The following AAMDC variants were observed in gnomAD, a reference collection of about 807,000 sequenced individuals.
AAMDC encodes the protein adipogenesis associated Mth938 domain containing.
AAMDC carries 16 observed loss-of-function variants against 15.5 expected under a neutral mutation model. That is an observed-to-expected ratio of 1.03 (90% CI 0.70 to 1.57). AAMDC has a LOEUF of 1.57. Among genes scored for constraint, AAMDC ranks in the 40% most tolerant of loss-of-function variants. AAMDC has a pLI of 0.00. For missense variants in AAMDC, 141 were observed against 144.9 expected (o/e 0.97, Z 0.14); for synonymous variants, 51 against 51.6 (o/e 0.99, Z 0.05).
At chr11:77,866,816 A>G (rs1486820105) in intron 2 of AAMDC, 1 of 151,926 alleles carries the variant, frequency 6.6e-6, no homozygotes, top group East Asian at 1.9e-4. Context: ...ACTCATATTC[A>G]TCCTCCCCAT....
chr11:77,883,753 C>A, intron 5 of AAMDC: 1 of 1,485,072 alleles, frequency 6.7e-7, no homozygotes, highest in Non-Finnish European at 9.1e-7. Flanking sequence ...TTTTTTCAAA[C>A]TTTAAAAACC....
chr11:77,842,700 A>G (rs1290119164), intron 2 of AAMDC, 72 bp downstream of exon 2: 1 of 1,574,444 alleles, frequency 6.4e-7, no homozygotes, highest in Non-Finnish European at 8.6e-7. Flanking sequence ...AGCTGCAATG[A>G]CTAAGTGAAA....
At chr11:77,842,901 C>A (rs1311042945) in intron 2 of AAMDC, among the ~76,000 whole-genome samples, 1 of 152,272 alleles carries the variant, frequency 6.6e-6, no homozygotes, top group East Asian at 1.9e-4. Flanking sequence ...AGAAAGGAAC[C>A]ACATAACCAC....
chr11:77,852,062 C>G (rs1950405802), intron 2 of AAMDC, among the ~76,000 whole-genome samples: 1 of 151,098 alleles, frequency 6.6e-6, no homozygotes, highest in East Asian at 1.9e-4. Context: ...ATTATTTTTA[C>G]TAAATAATTT....
chr11:77,882,385 GA>G (rs1951828402), intron 5 of AAMDC, among the ~76,000 whole-genome samples: 1 of 93,772 alleles, frequency 1.1e-5, no homozygotes, highest in South Asian at 2.6e-4. Flanking sequence ...CTTGCTGTGT[GA>G]CCAGGGACAA....
At chr11:77,879,661 C>T (rs1347887607) in intron 5 of AAMDC, among the ~76,000 whole-genome samples, 6 of 152,178 alleles carry the variant, frequency 3.9e-5, no homozygotes, top group African/African-American at 1.4e-4. Flanking sequence ...ACATCTCATT[C>T]TTTCATTACA....
intron 2 of AAMDC, among the ~76,000 whole-genome samples, chr11:77,848,973 T>A (rs957787774): frequency 6.6e-6 from 1 of 151,912 alleles, no homozygotes; most frequent in African/African-American, 2.4e-5. Flanking sequence ...TTTTATTTTT[T>A]GTAGAGACAG....
chr11:77,882,394 C>G (rs1951828662), intron 5 of AAMDC, among the ~76,000 whole-genome samples: 1 of 63,522 alleles, frequency 1.6e-5, no homozygotes, highest in Admixed American at 1.3e-4. Context: ...TGACCAGGGA[C>G]AAGTCAGACC....
intron 1 of AAMDC, among the ~76,000 whole-genome samples, chr11:77,823,621 C>CAAAAAAAAA (rs397970373): frequency 4.1e-5 from 4 of 97,640 alleles, no homozygotes; most frequent in Non-Finnish European, 7.9e-5. Context: ...CACCCTGTCT[C>CAAAAAAAAA]AAAAAAAAAA....
At chr11:77,841,465 C>T (rs936314159) in intron 1 of AAMDC, among the ~76,000 whole-genome samples, 1 of 152,178 alleles carries the variant, frequency 6.6e-6, no homozygotes, top group Non-Finnish European at 1.5e-5. Flanking sequence ...AAACATTTGG[C>T]TCAAACACCT....
chr11:77,856,041 C>G (rs1326463396), intron 2 of AAMDC, among the ~76,000 whole-genome samples: 2 of 152,080 alleles, frequency 1.3e-5, no homozygotes, highest in Non-Finnish European at 2.9e-5. Context: ...ATTCCTTGAG[C>G]CCAGGAGGCA....
chr11:77,828,209 A>C (rs1179854834), intron 1 of AAMDC, among the ~76,000 whole-genome samples: 1 of 152,098 alleles, frequency 6.6e-6, no homozygotes, highest in Non-Finnish European at 1.5e-5. Flanking sequence ...TGGGAGGCAG[A>C]GGTTGCAGTG....
intron 1 of AAMDC, among the ~76,000 whole-genome samples, chr11:77,823,936 A>G (rs1288104112): frequency 1.3e-5 from 2 of 151,558 alleles, no homozygotes; most frequent in Admixed American, 6.6e-5. Flanking sequence ...AAAAAGCTTT[A>G]TTACTATAGT....
At chr11:77,841,231 C>A (rs912358431) in intron 1 of AAMDC, 3 of 702,318 alleles carry the variant, frequency 4.3e-6, no homozygotes, top group Non-Finnish European at 7.8e-6. Context: ...AAAGGTCCCA[C>A]CTCTTAATGT....
intron 2 of AAMDC, among the ~76,000 whole-genome samples, chr11:77,862,101 T>C (rs1950905116): frequency 6.6e-6 from 1 of 152,196 alleles, no homozygotes; most frequent in Non-Finnish European, 1.5e-5. Context: ...TTAGTCCTTC[T>C]AGCACGCAAG....
chr11:77,891,435 C>A (rs1433915263), intron 5 of AAMDC: 1 of 1,613,712 alleles, frequency 6.2e-7, no homozygotes, highest in Non-Finnish European at 8.5e-7. Context: ...CCCGCTGGCT[C>A]GATGATGGTG....
chr11:77,833,429 A>G (rs1187381032), intron 1 of AAMDC, among the ~76,000 whole-genome samples: 1 of 152,132 alleles, frequency 6.6e-6, no homozygotes, highest in African/African-American at 2.4e-5. Context: ...TGCAGTTCAC[A>G]ATAGGGTTCA....
At chr11:77,858,569 G>C (rs953130407) in intron 2 of AAMDC, among the ~76,000 whole-genome samples, 5 of 152,096 alleles carry the variant, frequency 3.3e-5, no homozygotes, top group Non-Finnish European at 5.9e-5. Context: ...CACCTTCCCA[G>C]CTAGCCTTAG....
chr11:77,853,183 T>G (rs1462151618), intron 2 of AAMDC, among the ~76,000 whole-genome samples: 4 of 152,232 alleles, frequency 2.6e-5, no homozygotes, highest in African/African-American at 9.6e-5. Context: ...AATTTTAAAA[T>G]GTAGAAATGT....
Sources: gnomAD v4.1 joint callset for allele counts (sites outside exome capture counted in the v4.1 genomes callset) on GRCh38, gnomAD v4.1.1 for gene constraint, MANE v1.5 for transcripts, NCBI Gene and HGNC (gene_info 2026-07-23, HGNC 2026-07-21) for gene names.